CRIPT: variants seen among roughly 807,000 people sequenced by gnomAD.
CRIPT encodes the protein cysteine-rich PDZ-binding protein.
CRIPT carries 20 observed loss-of-function variants against 16.6 expected under a neutral mutation model. The ratio of observed to expected loss-of-function variants is 1.20; its 90% CI spans 0.85 to 1.75. The LOEUF (loss-of-function observed/expected upper bound fraction) is 1.75, where lower values mean the gene tolerates loss of function less well. Among genes scored for constraint, CRIPT ranks in the 40% most tolerant of loss-of-function variants. CRIPT has a pLI of 0.00. For synonymous variants in CRIPT, 42 were observed against 37.0 expected (o/e 1.14, Z -0.49); for missense variants, 133 against 115.3 (o/e 1.15, Z -0.70).
chr2:46,623,275 C>G (rs970982586), intron 3 of CRIPT, among the ~76,000 whole-genome samples: 3 of 152,114 alleles, frequency 2.0e-5, no homozygotes, highest in Non-Finnish European at 4.4e-5. Flanking sequence ...AGAATATGTT[C>G]AGTTTCTTTA....
At chr2:46,618,056 G>A (rs1187774818) in intron 1 of CRIPT, among the ~76,000 whole-genome samples, 5 of 149,462 alleles carry the variant, frequency 3.3e-5, no homozygotes, top group African/African-American at 1.2e-4. Flanking sequence ...ACTCCTTTTT[G>A]TTCACAGTCC....
rs996478996 is a variant in CRIPT at position 46,626,329 on chromosome 2, T to A, written c.*2102T>A. Reference sequence around the variant, plus strand: ...ATATGTACCAATTTTCTTTATCCAGTCCACTATTAATGAGCATCTAGGTTG... The same window carrying A: ...ATATGTACCAATTTTCTTTATCCAGACCACTATTAATGAGCATCTAGGTTG... On this transcript the variant is annotated 3_prime_UTR_variant, in exon 5 of 5. Transcript: ENST00000238892. 6.6e-6 allele frequency among the ~76,000 whole-genome samples: 1 copy of A among 152,216 alleles called. No individual in the cohort carries two copies. Among genetic ancestry groups the A allele is most frequent in the African/African-American group, 2.4e-5 (1 of 41,456 alleles).
At position 46,624,144 on chromosome 2, in the gene CRIPT, A is replaced by T. The variant is rs866376607; in HGVS notation, c.242-19A>T. On this transcript the variant is annotated intron_variant, in intron 4 of 4. Transcript: ENST00000238892. The stretch of plus-strand genomic sequence containing the variant: ...TTGGTATTATGATTTGATTGATCAC[A>T]TATCTTCTTTTGTTTCAGGCATCTG... 3 of 1,542,872 alleles carry T rather than the reference A, an allele frequency of 1.9e-6. No individual in the cohort carries two copies. Among genetic ancestry groups the T allele is most frequent in the Middle Eastern group, 3.5e-4 (2 of 5,790 alleles).
rs914023155 is a variant in CRIPT at position 46,617,326 on chromosome 2, G to T, written c.16+28G>T. On this transcript the variant is annotated intron_variant, in intron 1 of 4. Transcript: ENST00000238892. ...GAGTTAAGGGGCCGCTTCTGCGGGAGGAGGAGGCTGGGAGAACCTAACTGA... is the reference window on the plus strand; with the variant it reads ...GAGTTAAGGGGCCGCTTCTGCGGGATGAGGAGGCTGGGAGAACCTAACTGA... The T allele has an allele frequency of 3.2e-6, 5 of 1,552,376 alleles. No homozygotes were observed. In the African/African-American group the frequency reaches 6.8e-5, roughly 21 times the overall value.
In CRIPT at chr2:46,624,503, A is replaced by G. The variant is rs948550039; in HGVS notation, c.*276A>G. On this transcript the variant is annotated 3_prime_UTR_variant, in exon 5 of 5. Transcript: ENST00000238892. Reference sequence around the variant, plus strand: ...TCTGTATGCACTTTTATTTAACATTATTCATATAATTCTCCCCCCACCACT... The same window carrying G: ...TCTGTATGCACTTTTATTTAACATTGTTCATATAATTCTCCCCCCACCACT... 4 of 226,814 alleles carry G rather than the reference A, an allele frequency of 1.8e-5. No individual in the cohort carries two copies. Among genetic ancestry groups the G allele is most frequent in the Non-Finnish European group, 3.4e-5 (4 of 116,872 alleles). The allele number at this position is 226,814 out of a possible 1,614,324, so 14.1% of individuals were successfully genotyped here.
In CRIPT at chr2:46,626,925, C is replaced by T. The variant is rs1379034220; in HGVS notation, c.*2698C>T. On this transcript the variant is annotated 3_prime_UTR_variant, in exon 5 of 5. Coordinates refer to ENST00000238892, the MANE Select transcript of CRIPT (RefSeq NM_014171.6). ...TCAGCTCACTGCAACCTCCACCTCCCGGGTTCAAGCGATTCTCCTGCCCCA... is the reference window on the plus strand; with the variant it reads ...TCAGCTCACTGCAACCTCCACCTCCTGGGTTCAAGCGATTCTCCTGCCCCA... Among the ~76,000 whole-genome samples the T allele has an allele frequency of 1.3e-5, 2 of 152,078 alleles. No homozygotes were observed. The highest frequency in any genetic ancestry group is 6.6e-5 in the Admixed American group (1 of 15,260).
intron 1 of CRIPT, among the ~76,000 whole-genome samples, chr2:46,618,441 C>A (rs73926534): frequency 6.6e-6 from 1 of 152,164 alleles, no homozygotes; most frequent in African/African-American, 2.4e-5. Flanking sequence ...TGATTCATCA[C>A]TTCATTTTTC....
At chr2:46,622,635 G>A (rs1312761893) in intron 3 of CRIPT, among the ~76,000 whole-genome samples, 2 of 151,794 alleles carry the variant, frequency 1.3e-5, no homozygotes, top group African/African-American at 2.4e-5. Context: ...CCAACATGGA[G>A]AAACCCCATC....
intron 3 of CRIPT, 29 bp from the exon 4 acceptor site, chr2:46,623,735 A>G (rs759308336): frequency 1.5e-6 from 2 of 1,330,410 alleles, no homozygotes; most frequent in Admixed American, 1.8e-5. Context: ...TGTAATATAC[A>G]ATTTTCTCTC....
chr2:46,622,107 C>T (rs1186642447), intron 3 of CRIPT, among the ~76,000 whole-genome samples: 3 of 152,228 alleles, frequency 2.0e-5, no homozygotes, highest in Non-Finnish European at 4.4e-5. Flanking sequence ...CGGTGGCTCA[C>T]GCCTGTAATC....
At chr2:46,617,321 C>A in intron 1 of CRIPT, 23 bp downstream of exon 1, 1 of 1,552,730 alleles carries the variant, frequency 6.4e-7, no homozygotes, top group East Asian at 2.4e-5. Flanking sequence ...GCCGCTTCTG[C>A]GGGAGGAGGA....
At chr2:46,618,209 C>G (rs1213407042) in intron 1 of CRIPT, among the ~76,000 whole-genome samples, 2 of 151,506 alleles carry the variant, frequency 1.3e-5, no homozygotes, top group Non-Finnish European at 2.9e-5. Flanking sequence ...ATTTTTTAAG[C>G]TTACATTTTG....
Position 46,628,491 on chromosome 2 carries a change from G to A in CRIPT, c.*4264G>A, listed in dbSNP as rs1057017100. ...ATCTGTGGATTGCTTTGGGCAGTATGGCCATTTTAATGATATTGATTCTTC... is the reference window on the plus strand; with the variant it reads ...ATCTGTGGATTGCTTTGGGCAGTATAGCCATTTTAATGATATTGATTCTTC... On this transcript the variant is annotated 3_prime_UTR_variant, in exon 5 of 5. Coordinates refer to ENST00000238892, the MANE Select transcript of CRIPT (RefSeq NM_014171.6). 3.9e-5 allele frequency among the ~76,000 whole-genome samples: 6 copies of A among 152,182 alleles called. No individual in the cohort carries two copies. The highest frequency in any genetic ancestry group is 1.4e-4 in the African/African-American group (6 of 41,440).
Position 46,619,632 on chromosome 2 carries a change from G to T in CRIPT, c.88G>T (p.Gly30Cys). The T allele has an allele frequency of 1.9e-6, 3 of 1,609,154 alleles. No individual in the cohort carries two copies. ...TATCTTTTATTCTGATACAGAAAGT[G>T]GTGGAAGAAAGCTGAATGAAAATAA... The part of the protein sequence containing the change: ...KDGARNTTES[G>C]GRKLNENKAL... The change falls in exon 3 of 5, where the codon GGT becomes TGT. Residue 30 changes from glycine (G) to cysteine (C), a missense_variant. Coordinates refer to ENST00000238892, the MANE Select transcript of CRIPT (RefSeq NM_014171.6).
Position 46,624,273 on chromosome 2 carries a change from C to T in CRIPT, c.*46C>T, listed in dbSNP as rs775872414. ...GCTTTCTAAATGATTTTACTTTCTG[C>T]CTTGAATTTTCAAGGCATAGATGTC... On this transcript the variant is annotated 3_prime_UTR_variant, in exon 5 of 5. Transcript: ENST00000238892. 2 of 1,352,780 alleles carry T rather than the reference C, an allele frequency of 1.5e-6. No homozygotes were observed. Among genetic ancestry groups the T allele is most frequent in the Non-Finnish European group, 2.0e-6 (2 of 984,748 alleles). The allele number at this position is 1,352,780 out of a possible 1,614,324, so 83.8% of individuals were successfully genotyped here.
intron 3 of CRIPT, among the ~76,000 whole-genome samples, chr2:46,620,049 T>C (rs1670763490): frequency 6.6e-6 from 1 of 152,194 alleles, no homozygotes; most frequent in Non-Finnish European, 1.5e-5. Context: ...CTTAAGCAAG[T>C]TAAGCATGTT....
At chr2:46,621,069 T>G (rs1400936643) in intron 3 of CRIPT, among the ~76,000 whole-genome samples, 2 of 152,226 alleles carry the variant, frequency 1.3e-5, no homozygotes, top group Non-Finnish European at 2.9e-5. Flanking sequence ...ATTTCTTACT[T>G]GGAACTGTAA....
At chr2:46,619,018 A>T (rs1246482413) in intron 2 of CRIPT, among the ~76,000 whole-genome samples, 180 bp downstream of exon 2, 1 of 152,190 alleles carries the variant, frequency 6.6e-6, no homozygotes, top group Non-Finnish European at 1.5e-5. Context: ...AGTTACTTGT[A>T]CGGGTTCCTA....
rs1670678101 is a variant in CRIPT at position 46,617,222 on chromosome 2, T to A, written c.-61T>A. On this transcript the variant is annotated 5_prime_UTR_variant, in exon 1 of 5. Transcript: ENST00000238892. ...GGGGAATACTTCCAAGTTGTAGTGTTGTTGTTTTCAGCCTGCTGCTGCTGC... is the reference window on the plus strand; with the variant it reads ...GGGGAATACTTCCAAGTTGTAGTGTAGTTGTTTTCAGCCTGCTGCTGCTGC... 10 of 1,550,584 alleles carry A rather than the reference T, an allele frequency of 6.4e-6. No individual in the cohort carries two copies. Among genetic ancestry groups the A allele is most frequent in the Non-Finnish European group, 1.7e-6 (2 of 1,146,434 alleles).
Sources: allele counts gnomAD v4.1 joint callset (sites outside exome capture counted in the v4.1 genomes callset), GRCh38; gene constraint gnomAD v4.1.1; transcripts MANE v1.5; gene names NCBI Gene and HGNC (gene_info 2026-07-23, HGNC 2026-07-21).